Variants in PDE4D observed in about 807,000 individuals in gnomAD.
The protein encoded by PDE4D is phosphodiesterase 4D.
PDE4D carries 24 observed loss-of-function variants against 87.4 expected under a neutral mutation model. The observed-to-expected ratio is 0.27, with a 90% CI of 0.20 to 0.39. The LOEUF is 0.39. Among genes scored for constraint, PDE4D ranks in the 10% least tolerant of loss-of-function variants. The pLI, the probability that PDE4D is intolerant of heterozygous loss-of-function variation, is 1.00. For synonymous variants in PDE4D, 384 were observed against 383.2 expected, an observed-to-expected ratio of 1.00 and a Z score of -0.02; for missense variants, 714 against 1,041.0, an observed-to-expected ratio of 0.69 and a Z score of 4.32.
chr5:59,609,432 T>C (rs1416082448), intron 1 of PDE4D, among the ~76,000 whole-genome samples: 1 of 149,030 alleles, frequency 6.7e-6, no homozygotes, highest in African/African-American at 2.5e-5. Context: ...AATATCACTA[T>C]GATTTGATGA....
At chr5:60,438,365 C>G (rs1012629840) in intron 1 of PDE4D, among the ~76,000 whole-genome samples, 2 of 152,066 alleles carry the variant, frequency 1.3e-5, no homozygotes, top group African/African-American at 4.8e-5. Flanking sequence ...CCATCTAAAC[C>G]CTTACTCTGC....
chr5:59,062,627 T>C (rs1326381012), intron 5 of PDE4D, among the ~76,000 whole-genome samples: 1 of 151,954 alleles, frequency 6.6e-6, no homozygotes, highest in East Asian at 1.9e-4. Context: ...TGTGTGTGTA[T>C]GTATATTTGT....
At chr5:60,071,391 A>G (rs1168610019) in intron 2 of PDE4D, among the ~76,000 whole-genome samples, 1 of 152,102 alleles carries the variant, frequency 6.6e-6, no homozygotes, top group Non-Finnish European at 1.5e-5. Context: ...AGATTGCCAC[A>G]TTAAAAGCTG....
intron 1 of PDE4D, among the ~76,000 whole-genome samples, chr5:60,210,991 T>G (rs979045633): frequency 2.0e-5 from 3 of 152,124 alleles, no homozygotes; most frequent in Non-Finnish European, 4.4e-5. Context: ...GCGGAGAGCC[T>G]GGCGCTGAGC....
chr5:59,940,545 C>G (rs1444057884), intron 3 of PDE4D, among the ~76,000 whole-genome samples: 1 of 152,112 alleles, frequency 6.6e-6, no homozygotes, highest in Non-Finnish European at 1.5e-5. Flanking sequence ...AGAGATTTAT[C>G]TCAGAGTTTT....
At chr5:59,792,439 T>TGTGTGTGTG (rs1561669604) in intron 1 of PDE4D, among the ~76,000 whole-genome samples, 61 of 150,236 alleles carry the variant, frequency 4.1e-4, no homozygotes, top group Middle Eastern at 3.2e-3. Context: ...TGTGTGTGTG[T>TGTGTGTGTG]TTTGAGGAAG....
At chr5:59,845,639 A>G (rs1743728162) in intron 1 of PDE4D, among the ~76,000 whole-genome samples, 1 of 152,098 alleles carries the variant, frequency 6.6e-6, no homozygotes, top group Non-Finnish European at 1.5e-5. Context: ...ATTTACCATA[A>G]TGTGTAACAT....
intron 1 of PDE4D, among the ~76,000 whole-genome samples, chr5:59,654,329 T>C (rs1430489209): frequency 4.6e-5 from 7 of 152,212 alleles, no homozygotes; most frequent in African/African-American, 1.7e-4. Context: ...TTCCAGACTA[T>C]AGTACCATAT....
intron 2 of PDE4D, among the ~76,000 whole-genome samples, chr5:60,060,897 C>T (rs1166754033): frequency 5.3e-5 from 8 of 152,000 alleles, no homozygotes; most frequent in African/African-American, 1.9e-4. Flanking sequence ...CATGATAAAA[C>T]TCTCAATAAA....
intron 1 of PDE4D, among the ~76,000 whole-genome samples, chr5:59,230,022 G>A (rs1754805159): frequency 6.6e-6 from 1 of 152,114 alleles, no homozygotes; most frequent in Admixed American, 6.5e-5. Flanking sequence ...CCCGACCTCA[G>A]GCGATCCGCC....
At chr5:60,443,152 T>G (rs890407129) in intron 1 of PDE4D, among the ~76,000 whole-genome samples, 1 of 151,762 alleles carries the variant, frequency 6.6e-6, no homozygotes, top group Admixed American at 6.6e-5. Context: ...TATCAAGAGG[T>G]GAAGAAAAAT....
chr5:59,691,564 C>A (rs1231793588), intron 1 of PDE4D, among the ~76,000 whole-genome samples: 1 of 92,038 alleles, frequency 1.1e-5, no homozygotes, highest in Non-Finnish European at 2.0e-5. Context: ...ACACCGGGGT[C>A]TGTCATGGAG....
intron 1 of PDE4D, among the ~76,000 whole-genome samples, chr5:59,266,792 T>C (rs749791789): frequency 1.3e-5 from 2 of 152,030 alleles, no homozygotes; most frequent in Non-Finnish European, 2.9e-5. Flanking sequence ...ACTTTTCTAA[T>C]ACCATGAAAC....
At chr5:59,858,719 A>T (rs1745823774) in intron 1 of PDE4D, among the ~76,000 whole-genome samples, 1 of 152,146 alleles carries the variant, frequency 6.6e-6, no homozygotes, top group South Asian at 2.1e-4. Flanking sequence ...AATAATAAAT[A>T]ATTTCTTGTT....
At chr5:59,123,639 C>A (rs926884388) in intron 5 of PDE4D, among the ~76,000 whole-genome samples, 1 of 152,140 alleles carries the variant, frequency 6.6e-6, no homozygotes, top group Admixed American at 6.5e-5. Flanking sequence ...AATGTTTTAT[C>A]CTCATTTCTA....
At chr5:60,425,452 A>C (rs1322553180) in intron 1 of PDE4D, among the ~76,000 whole-genome samples, 10 of 152,238 alleles carry the variant, frequency 6.6e-5, no homozygotes, top group African/African-American at 1.9e-4. Flanking sequence ...CTATTTAATA[A>C]ATGGTGCTGG....
chr5:59,845,874 G>T (rs1254955413), intron 1 of PDE4D, among the ~76,000 whole-genome samples: 1 of 151,944 alleles, frequency 6.6e-6, no homozygotes, highest in Non-Finnish European at 1.5e-5. Context: ...TCTTTTCCCT[G>T]GGTTTCAAAG....
In PDE4D at chr5:60,306,496, T is replaced by C. The variant is rs113459512; in HGVS notation, c.-89-120809A>G. Among the ~76,000 whole-genome samples, 698 of 151,842 alleles carry C rather than the reference T, an allele frequency of 4.6e-3. 6 individuals are homozygous for C. The highest frequency in any genetic ancestry group is 0.016 in the African/African-American group (667 of 41,456). On this transcript the variant is annotated intron_variant, in intron 1 of 16. Transcript: ENST00000502484. Reference sequence around the variant, plus strand: ...CGAATCAATAAAAAACAAAACAGAATGACATATTCATTTAATGACCTAGAA... The same window carrying C: ...CGAATCAATAAAAAACAAAACAGAACGACATATTCATTTAATGACCTAGAA...
chr5:59,577,121 A>C (rs1215858195), intron 1 of PDE4D, among the ~76,000 whole-genome samples: 1 of 152,152 alleles, frequency 6.6e-6, no homozygotes, highest in East Asian at 1.9e-4. Flanking sequence ...TAAATGGAGG[A>C]TATATGAAAA....
Sources: gnomAD v4.1 joint callset for allele counts (sites outside exome capture counted in the v4.1 genomes callset) on GRCh38, gnomAD v4.1.1 for gene constraint, MANE v1.5 for transcripts, NCBI Gene and HGNC (gene_info 2026-07-23, HGNC 2026-07-21) for gene names.